Variants in PDGFRL observed in about 807,000 individuals in gnomAD.
PDGFRL encodes platelet derived growth factor receptor like.
In PDGFRL, 46 loss-of-function variants were observed where a neutral mutation model predicts 37.2. That is an observed-to-expected ratio of 1.24 (90% CI 0.98 to 1.58). The LOEUF is 1.58. Among genes scored for constraint, PDGFRL ranks in the 40% most tolerant of loss-of-function variants. The pLI is 0.00. For missense variants in PDGFRL, 692 were observed against 467.6 expected (o/e 1.48, Z -4.43); for synonymous variants, 251 against 184.3 (o/e 1.36, Z -2.93).
chr8:17,626,843 A>T (rs921216773), intron 3 of PDGFRL, among the ~76,000 whole-genome samples: 1 of 152,022 alleles, frequency 6.6e-6, no homozygotes, highest in African/African-American at 2.4e-5. Flanking sequence ...CGTTTCTCCC[A>T]TTTCAGTAAG....
At chr8:17,604,651 G>C (rs1804234748) in intron 2 of PDGFRL, among the ~76,000 whole-genome samples, 1 of 151,874 alleles carries the variant, frequency 6.6e-6, no homozygotes, top group Non-Finnish European at 1.5e-5. Context: ...CGAGTTAATG[G>C]GTGCAGCATA....
At chr8:17,633,644 TG>T (rs1477883103) in intron 4 of PDGFRL, among the ~76,000 whole-genome samples, 5 of 152,332 alleles carry the variant, frequency 3.3e-5, no homozygotes, top group African/African-American at 9.6e-5. Context: ...CTTTCACATC[TG>T]TACATTTAGA....
chr8:17,593,443 A>AT (rs1803985112), intron 2 of PDGFRL, among the ~76,000 whole-genome samples: 1 of 148,906 alleles, frequency 6.7e-6, no homozygotes, highest in Non-Finnish European at 1.5e-5. Context: ...TACGGAAAAA[A>AT]AAAATTTAAC....
rs548572050 is a variant in PDGFRL, at chr8:17,631,993, C to T, written c.800-2081C>T. Among the ~76,000 whole-genome samples the T allele has an allele frequency of 3.4e-3, 521 of 152,320 alleles. 10 individuals are homozygous for T. The highest frequency in any genetic ancestry group is 0.023 in the Admixed American group (357 of 15,306). ...ATCAGGTCCACGTGTCCGCCGTCCA[C>T]CTCAGGTGTGCAATGAGATGCTTCG... On this transcript the variant is annotated intron_variant, in intron 4 of 5. Transcript: ENST00000251630.
intron 1 of PDGFRL, among the ~76,000 whole-genome samples, chr8:17,586,477 G>C (rs890349111): frequency 6.6e-6 from 1 of 152,168 alleles, no homozygotes. Context: ...GGATGGAGAG[G>C]CAATGGCATG....
intron 5 of PDGFRL, among the ~76,000 whole-genome samples, chr8:17,636,893 GTTA>G (rs1804981388): frequency 1.3e-5 from 2 of 152,250 alleles, no homozygotes; most frequent in Non-Finnish European, 2.9e-5. Context: ...AAGGGGTTGA[GTTA>G]TTGATTTGAT....
intron 2 of PDGFRL, among the ~76,000 whole-genome samples, chr8:17,612,797 G>A (rs1406119463): frequency 6.6e-6 from 1 of 152,142 alleles, no homozygotes; most frequent in Non-Finnish European, 1.5e-5. Context: ...CAGTAATGTT[G>A]AATCTTCTAG....
chr8:17,633,607 A>T (rs181044342), intron 4 of PDGFRL, among the ~76,000 whole-genome samples: 1 of 152,330 alleles, frequency 6.6e-6, no homozygotes, highest in Admixed American at 6.5e-5. Flanking sequence ...GGCACTGCAG[A>T]CCCAGGTAGC....
upstream of PDGFRL, chr8:17,576,998 T>C: frequency 1.8e-6 from 1 of 561,732 alleles, no homozygotes; most frequent in Non-Finnish European, 3.1e-6. Context: ...ATTTCACGCT[T>C]AGCCTTTCCT....
intron 5 of PDGFRL, among the ~76,000 whole-genome samples, chr8:17,638,776 T>TATATATAA (rs1554556064): frequency 5.9e-4 from 63 of 106,016 alleles, no homozygotes; most frequent in Middle Eastern, 4.5e-3. Flanking sequence ...TATATATATA[T>TATATATAA]ATATATATAT....
chr8:17,607,484 C>T (rs983621468), intron 2 of PDGFRL, among the ~76,000 whole-genome samples: 7 of 152,296 alleles, frequency 4.6e-5, no homozygotes, highest in Admixed American at 4.6e-4. Flanking sequence ...GATTGATTAT[C>T]CCAGATGTGT....
At chr8:17,630,568 T>C (rs1244676925) in intron 4 of PDGFRL, among the ~76,000 whole-genome samples, 1 of 152,196 alleles carries the variant, frequency 6.6e-6, no homozygotes, top group Non-Finnish European at 1.5e-5. Flanking sequence ...CTGCTCTTCC[T>C]GTCACATGCA....
At chr8:17,585,183 A>G (rs893940316) in intron 1 of PDGFRL, among the ~76,000 whole-genome samples, 4 of 152,130 alleles carry the variant, frequency 2.6e-5, no homozygotes, top group Admixed American at 2.6e-4. Context: ...GTTCGTGGCC[A>G]TCTTGGTTTT....
Position 17,588,286 on chromosome 8 carries a change from T to C in PDGFRL, c.56-1182T>C, listed in dbSNP as rs1443026954. On this transcript the variant is annotated intron_variant, in intron 1 of 5. Transcript: ENST00000251630. ...AGATTAGTATACACATAATATTTAC[T>C]CTTTAATAATAAGCATTTTATTCTA... is the stretch of plus-strand genomic sequence containing the variant. Among the ~76,000 whole-genome samples the C allele has an allele frequency of 3.3e-5, 5 of 152,196 alleles. No individual in the cohort carries two copies. The East Asian group carries it at 7.7e-4, about 23-fold the overall frequency.
chr8:17,609,660 A>AAG (rs1804364945), intron 2 of PDGFRL, among the ~76,000 whole-genome samples: 1 of 102,956 alleles, frequency 9.7e-6, no homozygotes, highest in Non-Finnish European at 2.1e-5. Flanking sequence ...AAAAAAAAAA[A>AAG]AAAAATAAGA....
intron 2 of PDGFRL, among the ~76,000 whole-genome samples, chr8:17,606,459 AC>A (rs1445825737): frequency 6.6e-6 from 1 of 152,126 alleles, no homozygotes; most frequent in Non-Finnish European, 1.5e-5. Flanking sequence ...AGGAAACGCC[AC>A]CCCCAAACTC....
chr8:17,631,873 A>C (rs1766105168), intron 4 of PDGFRL, among the ~76,000 whole-genome samples: 1 of 151,948 alleles, frequency 6.6e-6, no homozygotes, highest in Non-Finnish European at 1.5e-5. Flanking sequence ...TCCCCCAGGC[A>C]CCCTTCTTTC....
At chr8:17,584,177 A>G (rs1803766923) in intron 1 of PDGFRL, among the ~76,000 whole-genome samples, 1 of 152,182 alleles carries the variant, frequency 6.6e-6, no homozygotes, top group Non-Finnish European at 1.5e-5. Flanking sequence ...TAGGAGAGGA[A>G]AATTTAAAAC....
chr8:17,592,106 C>G (rs796415323), intron 2 of PDGFRL, among the ~76,000 whole-genome samples: 2 of 152,184 alleles, frequency 1.3e-5, no homozygotes, highest in African/African-American at 4.8e-5. Flanking sequence ...CCCACACTCT[C>G]CACATCCCAT....
Sources: gnomAD v4.1 joint callset for allele counts (sites outside exome capture counted in the v4.1 genomes callset) on GRCh38, gnomAD v4.1.1 for gene constraint, MANE v1.5 for transcripts, NCBI Gene and HGNC (gene_info 2026-07-23, HGNC 2026-07-21) for gene names.